Variants in SPRED2 observed in about 807,000 individuals in gnomAD.
SPRED2 encodes sprouty related EVH1 domain containing 2, also known as sprouty-related, EVH1 domain-containing protein 2.
In SPRED2, 47 loss-of-function variants were observed where a neutral mutation model predicts 43.0. The ratio of observed to expected loss-of-function variants is 1.09; its 90% CI spans 0.87 to 1.40. The LOEUF is 1.40. SPRED2 is among the 40% of genes most tolerant of loss of function. The pLI, the probability that SPRED2 is intolerant of heterozygous loss-of-function variation, is 0.00. For missense variants in SPRED2, 561 were observed against 586.4 expected (o/e 0.96, Z 0.45); for synonymous variants, 225 against 225.7 (o/e 1.00, Z 0.03).
chr2:65,377,417 C>G (rs1463354828), intron 1 of SPRED2, among the ~76,000 whole-genome samples: 1 of 152,150 alleles, frequency 6.6e-6, no homozygotes, highest in Admixed American at 6.5e-5. Context: ...AGGAGTGATA[C>G]AGTTTGATTA....
intron 1 of SPRED2, 38 bp downstream of exon 1, chr2:65,431,922 CCT>C (rs1471683337): frequency 6.2e-7 from 1 of 1,613,080 alleles, no homozygotes; most frequent in Non-Finnish European, 8.5e-7. Context: ...CCACGCTGCC[CCT>C]GAGGGGCACC....
At chr2:65,345,029 C>A in intron 1 of SPRED2, 133 bp from the exon 2 acceptor site, 1 of 795,270 alleles carries the variant, frequency 1.3e-6, no homozygotes, top group South Asian at 2.4e-5. Flanking sequence ...TTGGCGGCAA[C>A]CTTAAAAAGT....
At chr2:65,422,848 C>T (rs950227859) in intron 1 of SPRED2, among the ~76,000 whole-genome samples, 3 of 152,160 alleles carry the variant, frequency 2.0e-5, no homozygotes, top group African/African-American at 7.2e-5. Flanking sequence ...ATTATTAGGC[C>T]TTCAGGGCCA....
intron 1 of SPRED2, among the ~76,000 whole-genome samples, chr2:65,381,867 G>A (rs1675381293): frequency 6.6e-6 from 1 of 152,242 alleles, no homozygotes; most frequent in Non-Finnish European, 1.5e-5. Context: ...TCAGACACCA[G>A]TGGAATTCCC....
At chr2:65,382,317 A>G (rs1675391419) in intron 1 of SPRED2, among the ~76,000 whole-genome samples, 1 of 152,090 alleles carries the variant, frequency 6.6e-6, no homozygotes, top group Admixed American at 6.5e-5. Flanking sequence ...GAAGAAGAAG[A>G]AAAAAAAGCC....
intron 1 of SPRED2, among the ~76,000 whole-genome samples, chr2:65,411,439 G>C (rs1425804220): frequency 6.6e-6 from 1 of 152,214 alleles, no homozygotes; most frequent in Non-Finnish European, 1.5e-5. Flanking sequence ...ACTCCCACAT[G>C]ATGACATGAC....
At chr2:65,334,363 T>G in intron 3 of SPRED2, 2 of 607,308 alleles carry the variant, frequency 3.3e-6, no homozygotes, top group Non-Finnish European at 6.3e-6. Flanking sequence ...ACCTGCCTGT[T>G]TTTTCACAGC....
At chr2:65,346,344 C>T (rs11680063) in intron 1 of SPRED2, among the ~76,000 whole-genome samples, 10,764 of 151,186 alleles carry the variant, frequency 0.071, 488 homozygotes, top group Middle Eastern at 0.15. Flanking sequence ...TTTTTCATTG[C>T]GGTAAAATAT....
chr2:65,417,781 C>A (rs893810024), intron 1 of SPRED2, among the ~76,000 whole-genome samples: 1 of 152,136 alleles, frequency 6.6e-6, no homozygotes, highest in Non-Finnish European at 1.5e-5. Flanking sequence ...GAGCTGAGCT[C>A]GTATTTTCCT....
chr2:65,421,458 T>A (rs1439834887), intron 1 of SPRED2, among the ~76,000 whole-genome samples: 1 of 152,160 alleles, frequency 6.6e-6, no homozygotes, highest in African/African-American at 2.4e-5. Flanking sequence ...AGGATCAGAA[T>A]CCTCATTTTA....
chr2:65,358,985 G>C (rs754853078), intron 1 of SPRED2, among the ~76,000 whole-genome samples: 17 of 152,174 alleles, frequency 1.1e-4, no homozygotes, highest in Non-Finnish European at 2.2e-4. Flanking sequence ...CTTCATTTTG[G>C]GGATCCTCAG....
chr2:65,327,925 T>G (rs942959325), intron 4 of SPRED2, among the ~76,000 whole-genome samples: 1 of 151,876 alleles, frequency 6.6e-6, no homozygotes, highest in African/African-American at 2.4e-5. Context: ...GGTTTCACCA[T>G]GTTGGCCAGG....
At chr2:65,368,668 T>C (rs1675044168) in intron 1 of SPRED2, among the ~76,000 whole-genome samples, 1 of 152,198 alleles carries the variant, frequency 6.6e-6, no homozygotes, top group Admixed American at 6.5e-5. Flanking sequence ...GAAATGAGAA[T>C]AGGGGAGTCC....
intron 1 of SPRED2, among the ~76,000 whole-genome samples, chr2:65,379,414 G>T (rs1377009457): frequency 6.6e-6 from 1 of 152,174 alleles, no homozygotes; most frequent in Non-Finnish European, 1.5e-5. Context: ...TCTCTTAGGA[G>T]GGCAAGCCTC....
rs1207798299 is a variant in SPRED2, at chr2:65,316,889, T to C, written c.439-6A>G. ...GAAGAACTGTCTGTAGCTGTCTGTG[T>C]AGAGGGAGGTAACCAAGAGTCAATT... On this transcript the variant is annotated splice_polypyrimidine_tract_variant and splice_region_variant and intron_variant, in intron 4 of 5. Coordinates refer to ENST00000356388, the MANE Select transcript of SPRED2 (RefSeq NM_181784.3). The C allele has an allele frequency of 1.2e-6, 2 of 1,613,364 alleles. No homozygotes were observed.
Position 65,313,502 on chromosome 2 carries a change from C to A in SPRED2, c.1256G>T (p.Ter419LeuextTer126). 6.3e-7 allele frequency: 1 copy of A among 1,595,244 alleles called. No homozygotes were observed. The highest frequency in any genetic ancestry group is 8.5e-7 in the Non-Finnish European group (1 of 1,171,194). Residue 419 changes from the stop codon to leucine, a stop_lost, in exon 6 of 6, where the codon TGA becomes TTA. Coordinates refer to ENST00000356388, the MANE Select transcript of SPRED2 (RefSeq NM_181784.3). ...GAGGGAGAAGGGAGGGAAACTGAGT[C>A]ACGCGGCCGCTTTGTGCTTCCCGCC... ...CCGGKHKAAA[*>L] is the part of the protein sequence containing the mutation.
chr2:65,411,844 C>T (rs1029768638), intron 1 of SPRED2, among the ~76,000 whole-genome samples: 1 of 152,098 alleles, frequency 6.6e-6, no homozygotes, highest in East Asian at 1.9e-4. Flanking sequence ...AAATGAACAG[C>T]AAGACCAGGC....
chr2:65,429,307 AG>A (rs1676624939), intron 1 of SPRED2, among the ~76,000 whole-genome samples: 1 of 152,222 alleles, frequency 6.6e-6, no homozygotes, highest in Non-Finnish European at 1.5e-5. Context: ...TATCTTTCCT[AG>A]GTCTCCAGTT....
At chr2:65,406,750 A>G (rs2576923) in intron 1 of SPRED2, among the ~76,000 whole-genome samples, 111,171 of 152,038 alleles carry the variant, frequency 0.73, 42,010 homozygotes, top group African/African-American at 0.91. Flanking sequence ...CCCTTGCAGG[A>G]AGCTAACCTG....
Sources: gnomAD v4.1 joint callset for allele counts (sites outside exome capture counted in the v4.1 genomes callset) on GRCh38, gnomAD v4.1.1 for gene constraint, MANE v1.5 for transcripts, NCBI Gene and HGNC (gene_info 2026-07-23, HGNC 2026-07-21) for gene names.